The following FHIT variants were observed in gnomAD, a reference collection of about 807,000 sequenced individuals.
FHIT encodes the protein bis(5'-adenosyl)-triphosphatase.
A neutral mutation model predicts 17.9 loss-of-function variants in FHIT; 19 were observed. The observed-to-expected ratio is 1.06, with a 90% CI of 0.74 to 1.56. FHIT has a LOEUF of 1.56. FHIT is among the 40% of genes most tolerant of loss of function. The probability of loss-of-function intolerance (pLI) is 0.00; values close to 1 mark genes in which losing one functional copy is unlikely to be tolerated. For synonymous variants in FHIT, 81 were observed against 69.7 expected (o/e 1.16, Z -0.81); for missense variants, 248 against 189.2 (o/e 1.31, Z -1.82).
intron 8 of FHIT, among the ~76,000 whole-genome samples, chr3:59,816,168 G>C (rs1286290575): frequency 6.6e-6 from 1 of 152,182 alleles, no homozygotes; most frequent in Admixed American, 6.5e-5. Flanking sequence ...CTGTGGGCAA[G>C]CTGGTGAGTT....
chr3:59,758,816 A>C (rs1701352221), intron 8 of FHIT, among the ~76,000 whole-genome samples: 1 of 152,140 alleles, frequency 6.6e-6, no homozygotes, highest in Non-Finnish European at 1.5e-5. Context: ...AGCTTGAGAA[A>C]TGGCCCCTGG....
At chr3:60,067,955 G>A (rs1702591616) in intron 5 of FHIT, among the ~76,000 whole-genome samples, 1 of 152,126 alleles carries the variant, frequency 6.6e-6, no homozygotes. Flanking sequence ...TCACTCAGGG[G>A]CCCAGCATGG....
chr3:60,686,533 CT>C (rs144413729), intron 4 of FHIT, among the ~76,000 whole-genome samples: 5 of 150,698 alleles, frequency 3.3e-5, no homozygotes, highest in African/African-American at 7.3e-5. Flanking sequence ...GCTCTGGTTG[CT>C]TTTTTTTTAA....
At chr3:61,027,776 A>G (rs1166042133) in intron 3 of FHIT, among the ~76,000 whole-genome samples, 1 of 152,230 alleles carries the variant, frequency 6.6e-6, no homozygotes, top group Admixed American at 6.5e-5. Context: ...GCAAAAATCA[A>G]CCAAAGCAGT....
At chr3:60,445,880 T>G (rs2031297987) in intron 5 of FHIT, among the ~76,000 whole-genome samples, 1 of 152,112 alleles carries the variant, frequency 6.6e-6, no homozygotes, top group Non-Finnish European at 1.5e-5. Context: ...TGTGAAACTG[T>G]AATAGCCACT....
chr3:60,425,236 C>T (rs777739961), intron 5 of FHIT, among the ~76,000 whole-genome samples: 5 of 152,106 alleles, frequency 3.3e-5, no homozygotes, highest in Non-Finnish European at 7.4e-5. Context: ...TGGAAATGGC[C>T]ACTTGGCTCA....
At chr3:61,150,323 C>T (rs2037350553) in intron 2 of FHIT, among the ~76,000 whole-genome samples, 1 of 151,792 alleles carries the variant, frequency 6.6e-6, no homozygotes, top group South Asian at 2.1e-4. Flanking sequence ...CGGTGGGGAG[C>T]TCTCTATGTT....
chr3:60,976,214 C>T (rs1312894966), intron 3 of FHIT, among the ~76,000 whole-genome samples: 3 of 133,480 alleles, frequency 2.2e-5, no homozygotes, highest in African/African-American at 8.5e-5. Flanking sequence ...TCAAGTGATT[C>T]TTTTGCCTCA....
chr3:60,843,283 C>T (rs547399900), intron 3 of FHIT, among the ~76,000 whole-genome samples: 1 of 152,120 alleles, frequency 6.6e-6, no homozygotes, highest in South Asian at 2.1e-4. Flanking sequence ...AAGTCTCATA[C>T]GACAGGTTTT....
At chr3:61,034,547 C>T (rs1267596133) in intron 3 of FHIT, among the ~76,000 whole-genome samples, 1 of 152,136 alleles carries the variant, frequency 6.6e-6, no homozygotes, top group Non-Finnish European at 1.5e-5. Context: ...CATCATTAGT[C>T]ATTAGGGAAA....
chr3:60,549,359 T>C (rs2036471818), intron 4 of FHIT, among the ~76,000 whole-genome samples: 1 of 152,180 alleles, frequency 6.6e-6, no homozygotes, highest in South Asian at 2.1e-4. Context: ...TTCATCTTTC[T>C]AAGCAATTTA....
At chr3:60,094,254 A>G (rs1209438738) in intron 5 of FHIT, among the ~76,000 whole-genome samples, 1 of 152,192 alleles carries the variant, frequency 6.6e-6, no homozygotes, top group Non-Finnish European at 1.5e-5. Flanking sequence ...TTAGCAGTTT[A>G]GACACTTATG....
intron 4 of FHIT, among the ~76,000 whole-genome samples, chr3:60,798,166 C>T (rs1309401474): frequency 2.0e-5 from 3 of 152,098 alleles, no homozygotes; most frequent in Non-Finnish European, 2.9e-5. Flanking sequence ...AGAGTTGGCC[C>T]TGGGGCCTTA....
intron 4 of FHIT, among the ~76,000 whole-genome samples, chr3:60,710,482 G>T (rs150706971): frequency 6.6e-6 from 1 of 152,182 alleles, no homozygotes; most frequent in Non-Finnish European, 1.5e-5. Flanking sequence ...TGCCTCACTC[G>T]GGAAGCGCAA....
intron 5 of FHIT, among the ~76,000 whole-genome samples, chr3:60,432,959 TAAGA>T (rs1488978244): frequency 6.6e-6 from 1 of 151,644 alleles, no homozygotes; most frequent in Non-Finnish European, 1.5e-5. Context: ...TACATACTCT[TAAGA>T]AAATTTTAAG....
At chr3:60,351,842 C>G (rs1699413351) in intron 5 of FHIT, among the ~76,000 whole-genome samples, 1 of 150,810 alleles carries the variant, frequency 6.6e-6, no homozygotes, top group African/African-American at 2.4e-5. Context: ...CATGCAGAAA[C>G]CATGCCCTTC....
At position 59,872,123 on chromosome 3, in the gene FHIT, A is replaced by G. The variant is rs952725096; in HGVS notation, c.348+50223T>C. On this transcript the variant is annotated intron_variant, in intron 8 of 9. Transcript: ENST00000492590. ...TGTACTTTCCCTAACCATTTTATGC[A>G]GGCATTCCTTCATGGGGGTCTCCTC... 2.1e-4 allele frequency among the ~76,000 whole-genome samples: 32 copies of G among 152,194 alleles called. 1 individual carries two copies. The highest frequency in any genetic ancestry group is 4.4e-5 in the Non-Finnish European group (3 of 68,030).
At chr3:61,092,113 G>A (rs1166541164) in intron 2 of FHIT, among the ~76,000 whole-genome samples, 2 of 151,522 alleles carry the variant, frequency 1.3e-5, no homozygotes, top group East Asian at 1.9e-4. Flanking sequence ...TGGTGGGGTG[G>A]GGGTAGGGGG....
At chr3:61,211,839 C>T (rs1248545358) in intron 1 of FHIT, among the ~76,000 whole-genome samples, 10 of 152,176 alleles carry the variant, frequency 6.6e-5, no homozygotes, top group East Asian at 1.9e-4. Flanking sequence ...CAGCAGCATT[C>T]GCGGTTCACG....
Sources: allele counts gnomAD v4.1 joint callset (sites outside exome capture counted in the v4.1 genomes callset), GRCh38; gene constraint gnomAD v4.1.1; transcripts MANE v1.5; gene names NCBI Gene and HGNC (gene_info 2026-07-23, HGNC 2026-07-21).